FAM107B: variants seen among roughly 807,000 people sequenced by gnomAD.
The protein encoded by FAM107B is family with sequence similarity 107 member B.
FAM107B carries 21 observed loss-of-function variants against 31.5 expected under a neutral mutation model. The ratio of observed to expected loss-of-function variants is 0.67; its 90% CI spans 0.47 to 0.96. FAM107B has a LOEUF of 0.96. Ranked by LOEUF, FAM107B falls within the 40% of genes least tolerant of loss-of-function variation. The pLI, the probability that FAM107B is intolerant of heterozygous loss-of-function variation, is 0.00. For missense variants in FAM107B, 452 were observed against 377.1 expected, an observed-to-expected ratio of 1.20 and a Z score of -1.64; for synonymous variants, 157 against 141.5, an observed-to-expected ratio of 1.11 and a Z score of -0.78.
intron 1 of FAM107B, among the ~76,000 whole-genome samples, chr10:14,686,242 A>T (rs1854983726): frequency 6.6e-6 from 1 of 152,168 alleles, no homozygotes; most frequent in African/African-American, 2.4e-5. Context: ...TACAAAAATT[A>T]GCCGGGCATG....
At chr10:14,642,582 C>T (rs987660163) in intron 2 of FAM107B, among the ~76,000 whole-genome samples, 3 of 151,910 alleles carry the variant, frequency 2.0e-5, no homozygotes, top group Admixed American at 6.6e-5. Flanking sequence ...CCTATAAACA[C>T]TATCAAGTGA....
chr10:14,589,168 T>C (rs1429908314), intron 2 of FAM107B, among the ~76,000 whole-genome samples: 6 of 137,672 alleles, frequency 4.4e-5, no homozygotes, highest in African/African-American at 1.6e-4. Flanking sequence ...ACACCGAGAC[T>C]GTCTCAAAAA....
At chr10:14,619,155 C>T (rs1714028445) in intron 2 of FAM107B, among the ~76,000 whole-genome samples, 2 of 152,166 alleles carry the variant, frequency 1.3e-5, no homozygotes, top group African/African-American at 2.4e-5. Context: ...CTTGTAGCCA[C>T]CAGAAGTGCG....
chr10:14,573,389 T>C (rs1851352254), intron 2 of FAM107B, among the ~76,000 whole-genome samples: 1 of 152,064 alleles, frequency 6.6e-6, no homozygotes, highest in Non-Finnish European at 1.5e-5. Flanking sequence ...CCTCACCAGA[T>C]GCAGGCCCTC....
intron 2 of FAM107B, among the ~76,000 whole-genome samples, chr10:14,570,084 GC>G (rs1384250977): frequency 1.3e-5 from 2 of 152,212 alleles, no homozygotes; most frequent in Non-Finnish European, 2.9e-5. Flanking sequence ...ACTTAGGATT[GC>G]ATTTATCATT....
At position 14,530,449 on chromosome 10, in the gene FAM107B, G is replaced by A; in HGVS notation, c.536C>T (p.Pro179Leu). 1 of 1,614,062 alleles carries A rather than the reference G, an allele frequency of 6.2e-7. No homozygotes were observed. Among genetic ancestry groups the A allele is most frequent in the Non-Finnish European group, 8.5e-7 (1 of 1,180,004 alleles). ...AGGATTGTCATCTTCTATGTAGTCT[G>A]GCTCGGCCATGATGCTTCTTGTAAT... ...YLITRSIMAE[P>L]DYIEDDNPEL... The change falls in exon 3 of 5, where the codon CCA becomes CTA. Residue 179 changes from proline to leucine, a missense_variant. By Grantham distance (98) the Pro-to-Leu change is moderately conservative. Coordinates refer to ENST00000181796, the MANE Select transcript of FAM107B (RefSeq NM_031453.4).
At chr10:14,578,016 C>T (rs1851517351) in intron 2 of FAM107B, among the ~76,000 whole-genome samples, 1 of 152,122 alleles carries the variant, frequency 6.6e-6, no homozygotes, top group Non-Finnish European at 1.5e-5. Flanking sequence ...AAGCTGACAC[C>T]CATTTTCATG....
intron 2 of FAM107B, among the ~76,000 whole-genome samples, chr10:14,596,531 T>A (rs1446735542): frequency 6.6e-6 from 1 of 152,094 alleles, no homozygotes; most frequent in Non-Finnish European, 1.5e-5. Context: ...TATAAGATGA[T>A]TAAAAACTGT....
intron 2 of FAM107B, among the ~76,000 whole-genome samples, chr10:14,612,867 A>G (rs996780062): frequency 2.6e-5 from 4 of 152,226 alleles, no homozygotes; most frequent in Admixed American, 6.5e-5. Flanking sequence ...ATACAAAACC[A>G]TGATGAGCAA....
chr10:14,677,387 C>T (rs1227453455), intron 1 of FAM107B, among the ~76,000 whole-genome samples: 2 of 152,066 alleles, frequency 1.3e-5, no homozygotes, highest in Non-Finnish European at 2.9e-5. Flanking sequence ...TTCGGGAGGC[C>T]GAGGTGGGCA....
chr10:14,614,975 A>G (rs1464909810), intron 2 of FAM107B, among the ~76,000 whole-genome samples: 1 of 152,144 alleles, frequency 6.6e-6, no homozygotes, highest in Non-Finnish European at 1.5e-5. Context: ...CAAGGGTAGT[A>G]GACGGAGGGG....
intron 2 of FAM107B, among the ~76,000 whole-genome samples, chr10:14,623,555 G>A (rs1588664921): frequency 1.3e-5 from 2 of 152,240 alleles, no homozygotes. Flanking sequence ...GGTCAGCGTG[G>A]TGGCTTACGC....
chr10:14,654,516 T>A (rs1853988956), intron 2 of FAM107B, among the ~76,000 whole-genome samples: 1 of 152,254 alleles, frequency 6.6e-6, no homozygotes, highest in South Asian at 2.1e-4. Context: ...TGGTGAAGGA[T>A]AAGAAATCAG....
chr10:14,633,221 T>G (rs1214765642), intron 2 of FAM107B, among the ~76,000 whole-genome samples: 1 of 149,892 alleles, frequency 6.7e-6, no homozygotes, highest in Non-Finnish European at 1.5e-5. Context: ...ATCATACGGC[T>G]GGTCAAAAGC....
chr10:14,735,092 G>T (rs576477881), intron 1 of FAM107B, among the ~76,000 whole-genome samples: 2 of 152,226 alleles, frequency 1.3e-5, no homozygotes, highest in East Asian at 3.9e-4. Context: ...TCATAATTCG[G>T]TGTCCATTCT....
chr10:14,583,492 C>T (rs994942901), intron 2 of FAM107B, among the ~76,000 whole-genome samples: 15 of 152,130 alleles, frequency 9.9e-5, no homozygotes, highest in Admixed American at 2.0e-4. Context: ...CACTCACCTC[C>T]GCCCTTCTAG....
At chr10:14,707,599 C>T (rs1039563868) in intron 1 of FAM107B, among the ~76,000 whole-genome samples, 2 of 152,228 alleles carry the variant, frequency 1.3e-5, no homozygotes, top group Non-Finnish European at 2.9e-5. Context: ...ACAGGGCATG[C>T]TGGTCTCATG....
chr10:14,571,607 A>G (rs1000348000), intron 2 of FAM107B, among the ~76,000 whole-genome samples: 5 of 152,244 alleles, frequency 3.3e-5, no homozygotes, highest in African/African-American at 4.8e-5. Flanking sequence ...TGGCAAAGAC[A>G]CACTATTCAA....
chr10:14,687,193 G>A (rs1855011111), intron 1 of FAM107B, among the ~76,000 whole-genome samples: 1 of 152,024 alleles, frequency 6.6e-6, no homozygotes, highest in Non-Finnish European at 1.5e-5. Context: ...GGAAAACGAG[G>A]GTCAGGAGAC....
Sources: gnomAD v4.1 joint callset for allele counts (sites outside exome capture counted in the v4.1 genomes callset) on GRCh38, gnomAD v4.1.1 for gene constraint, MANE v1.5 for transcripts, NCBI Gene and HGNC (gene_info 2026-07-23, HGNC 2026-07-21) for gene names.